FBN2: variants seen among roughly 807,000 people sequenced by gnomAD.
The protein encoded by FBN2 is fibrillin 2.
A neutral mutation model predicts 355.6 loss-of-function variants in FBN2; 105 were observed. The observed-to-expected ratio is 0.30, with a 90% confidence interval of 0.25 to 0.35. FBN2 has a LOEUF of 0.35. Among genes scored for constraint, FBN2 ranks in the 10% least tolerant of loss-of-function variants. The pLI, the probability that FBN2 is intolerant of heterozygous loss-of-function variation, is 1.00. For synonymous variants in FBN2, 1,350 were observed against 1,301.2 expected (o/e 1.04, Z -0.81); for missense variants, 3,280 against 3,758.7 (o/e 0.87, Z 3.33).
intron 36 of FBN2, among the ~76,000 whole-genome samples, chr5:128,313,604 T>C (rs903108910): frequency 1.3e-5 from 2 of 152,030 alleles, no homozygotes; most frequent in Admixed American, 1.3e-4. Context: ...CCTTATTCAA[T>C]CCAGTAATAA....
At chr5:128,429,498 A>G (rs1445538155) in intron 7 of FBN2, among the ~76,000 whole-genome samples, 1 of 152,256 alleles carries the variant, frequency 6.6e-6, no homozygotes, top group African/African-American at 2.4e-5. Flanking sequence ...AATTCCAGGT[A>G]GAAATATTAA....
chr5:128,416,027 T>C (rs1448444334), intron 7 of FBN2, among the ~76,000 whole-genome samples: 3 of 136,418 alleles, frequency 2.2e-5, no homozygotes, highest in African/African-American at 8.2e-5. Flanking sequence ...TAGTTTGCAC[T>C]TTTTTTTTTT....
intron 5 of FBN2, among the ~76,000 whole-genome samples, chr5:128,510,283 G>T (rs1421538212): frequency 2.0e-5 from 3 of 152,190 alleles, no homozygotes; most frequent in South Asian, 2.1e-4. Flanking sequence ...CCCTGATAAT[G>T]GTTTAAGAAA....
Position 128,333,217 on chromosome 5 carries a change from C to T in FBN2, c.4100-183G>A, listed in dbSNP as rs75947137. Reference sequence around the variant, plus strand: ...CAAGAGGACTTGGAAAATTCATGATCCTAATAAAACAAGTTCTTCCCTAGA... The same window carrying T: ...CAAGAGGACTTGGAAAATTCATGATTCTAATAAAACAAGTTCTTCCCTAGA... On this transcript the variant is annotated intron_variant, in intron 31 of 64. Transcript: ENST00000262464. Among the ~76,000 whole-genome samples the T allele has an allele frequency of 7.6e-3, 1,161 of 152,124 alleles. 15 individuals carry two copies. Among genetic ancestry groups the T allele is most frequent in the African/African-American group, 0.027 (1,105 of 41,506 alleles).
intron 2 of FBN2, among the ~76,000 whole-genome samples, chr5:128,534,508 T>A (rs1756794850): frequency 6.6e-6 from 1 of 152,238 alleles, no homozygotes; most frequent in African/African-American, 2.4e-5. Flanking sequence ...TTCTAATAAA[T>A]ATTTTTGTAG....
intron 8 of FBN2, among the ~76,000 whole-genome samples, chr5:128,398,131 A>T (rs1752698382): frequency 1.3e-5 from 2 of 152,100 alleles, no homozygotes. Flanking sequence ...GAAGAATATA[A>T]CGTAAAGAGG....
intron 20 of FBN2, among the ~76,000 whole-genome samples, chr5:128,355,143 T>G (rs1380495319): frequency 6.6e-6 from 1 of 152,180 alleles, no homozygotes; most frequent in African/African-American, 2.4e-5. Context: ...ATGCAAAATT[T>G]CTTGAGAAAG....
intron 7 of FBN2, among the ~76,000 whole-genome samples, chr5:128,427,254 C>T (rs1366888939): frequency 2.6e-5 from 4 of 152,216 alleles, no homozygotes; most frequent in South Asian, 2.1e-4. Context: ...AAAGTCCAGG[C>T]ACATAGCTAG....
chr5:128,277,197 A>C (rs1207268782), intron 58 of FBN2, among the ~76,000 whole-genome samples: 1 of 152,252 alleles, frequency 6.6e-6, no homozygotes, highest in Non-Finnish European at 1.5e-5. Flanking sequence ...AAGGAGAAAA[A>C]AAATTTTTTC....
chr5:128,504,604 G>A (rs1311545223), intron 5 of FBN2, among the ~76,000 whole-genome samples: 2 of 152,162 alleles, frequency 1.3e-5, no homozygotes, highest in African/African-American at 4.8e-5. Flanking sequence ...TAGCCCCTTT[G>A]TTTTGACCAA....
chr5:128,462,690 G>A (rs139674259), intron 6 of FBN2, among the ~76,000 whole-genome samples: 21 of 152,190 alleles, frequency 1.4e-4, no homozygotes, highest in Middle Eastern at 3.4e-3. Context: ...TTATAATTGT[G>A]TTTGGGAAAA....
chr5:128,374,739 A>T lies in FBN2; in HGVS notation c.1984T>A (p.Cys662Ser). The stretch of plus-strand genomic sequence containing the variant: ...TTCATGCAGATTCCTGGGGTCTGGC[A>T]TTCATCAACATCTGTGCAGTGGGTG... ...NGRYCTDVDE[C>S]QTPGICMNGH... The change falls in exon 15 of 65, where the codon TGC becomes AGC. Residue 662 changes from cysteine (C) to serine (S), a missense_variant. Coordinates refer to ENST00000262464, the MANE Select transcript of FBN2 (RefSeq NM_001999.4). 6.2e-7 allele frequency: 1 copy of T among 1,613,914 alleles called. No individual in the cohort carries two copies. The highest frequency in any genetic ancestry group is 8.5e-7 in the Non-Finnish European group (1 of 1,179,872).
chr5:128,310,365 CAT>C (rs1178825562), intron 39 of FBN2, among the ~76,000 whole-genome samples: 103 of 57,198 alleles, frequency 1.8e-3, no homozygotes, highest in African/African-American at 3.8e-3. Context: ...TTCCTTGGCA[CAT>C]ATATATATAT....
intron 11 of FBN2, among the ~76,000 whole-genome samples, chr5:128,383,507 G>A (rs1203911305): frequency 1.3e-5 from 2 of 151,966 alleles, no homozygotes; most frequent in African/African-American, 4.8e-5. Flanking sequence ...CACTTCAAAA[G>A]ATATGTTACA....
chr5:128,508,654 CAT>C (rs572022568), intron 5 of FBN2, among the ~76,000 whole-genome samples: 164 of 152,122 alleles, frequency 1.1e-3, no homozygotes, highest in African/African-American at 3.4e-3. Context: ...TATTTACCCA[CAT>C]AGTTACGTTT....
At chr5:128,412,135 TG>T (rs1441831388) in intron 7 of FBN2, among the ~76,000 whole-genome samples, 17 of 152,296 alleles carry the variant, frequency 1.1e-4, no homozygotes, top group African/African-American at 4.1e-4. Context: ...AGCTTTGGTC[TG>T]CAAATATCAG....
At chr5:128,356,114 G>A (rs1427409110) in intron 20 of FBN2, among the ~76,000 whole-genome samples, 1 of 152,000 alleles carries the variant, frequency 6.6e-6, no homozygotes, top group Non-Finnish European at 1.5e-5. Context: ...TGCTTTAGTG[G>A]CTCCAACCCA....
chr5:128,368,691 T>G (rs1163132874), intron 16 of FBN2, among the ~76,000 whole-genome samples: 3 of 151,580 alleles, frequency 2.0e-5, no homozygotes, highest in Admixed American at 6.6e-5. Context: ...TTTTAAAGAG[T>G]CAGCATCTCG....
rs139098335 is a variant in FBN2 at position 128,259,674 on chromosome 5, G to A, written c.8520C>T (p.Asn2840=). 105 of 1,613,956 alleles carry A rather than the reference G, an allele frequency of 6.5e-5. 1 individual carries two copies. Among genetic ancestry groups the A allele is most frequent in the South Asian group, 5.8e-4 (53 of 91,068 alleles). Reference sequence around the variant, plus strand: ...GGTGGATGCGGAAGACGCTGTCATCGTTCCCTTGAGAGATGACATAACGGA... The same window carrying A: ...GGTGGATGCGGAAGACGCTGTCATCATTCCCTTGAGAGATGACATAACGGA... ...NHIRYVISQG[N]DDSVFRIHQR... is the part of the protein sequence containing the mutation. The change falls in exon 65 of 65, where the codon AAC becomes AAT. Residue 2840 remains asparagine (N), a synonymous_variant. Coordinates refer to ENST00000262464, the MANE Select transcript of FBN2 (RefSeq NM_001999.4).
Sources: gnomAD v4.1 joint callset for allele counts (sites outside exome capture counted in the v4.1 genomes callset) on GRCh38, gnomAD v4.1.1 for gene constraint, MANE v1.5 for transcripts, NCBI Gene and HGNC (gene_info 2026-07-23, HGNC 2026-07-21) for gene names.